The following MIPEP variants were observed in gnomAD, a reference collection of about 807,000 sequenced individuals.
MIPEP encodes mitochondrial intermediate peptidase.
In MIPEP, 79 loss-of-function variants were observed where a neutral mutation model predicts 90.3. The ratio of observed to expected loss-of-function variants is 0.87; its 90% CI spans 0.73 to 1.05. The LOEUF (loss-of-function observed/expected upper bound fraction) is 1.05. Among genes scored for constraint, MIPEP ranks in the 50% least tolerant of loss-of-function variants. The pLI, the probability that MIPEP is intolerant of heterozygous loss-of-function variation, is 0.00. For missense variants in MIPEP, 940 were observed against 905.6 expected, an observed-to-expected ratio of 1.04 and a Z score of -0.49; for synonymous variants, 334 against 315.8, an observed-to-expected ratio of 1.06 and a Z score of -0.61.
rs550130814 is a variant in MIPEP, at chr13:23,889,112, G to A, written c.189+20C>T. Reference sequence around the variant, plus strand: ...CGGCTTAGCTCGGGGACTGAGGGGAGCTCCTCCTGCGCCGCTCACCCGGCG... The same window carrying A: ...CGGCTTAGCTCGGGGACTGAGGGGAACTCCTCCTGCGCCGCTCACCCGGCG... On this transcript the variant is annotated intron_variant, in intron 1 of 18. Transcript: ENST00000382172. 5.7e-6 allele frequency: 8 copies of A among 1,394,568 alleles called. No homozygotes were observed. In the Admixed American group the frequency reaches 2.8e-4, roughly 49 times the overall value. The allele number at this position is 1,394,568 out of a possible 1,614,324, so 86.4% of individuals were successfully genotyped here. A position where few individuals can be genotyped will look rare whatever the true frequency, so the allele number is the denominator to read the frequency against.
intron 14 of MIPEP, among the ~76,000 whole-genome samples, chr13:23,821,830 A>G (rs900978066): frequency 1.3e-5 from 2 of 152,212 alleles, no homozygotes; most frequent in Non-Finnish European, 2.9e-5. Context: ...AATAGTTGTT[A>G]CACTGTACTG....
At chr13:23,784,045 C>T (rs1004285641) in intron 16 of MIPEP, among the ~76,000 whole-genome samples, 1 of 151,998 alleles carries the variant, frequency 6.6e-6, no homozygotes, top group Non-Finnish European at 1.5e-5. Context: ...TTTATAGATT[C>T]CCCATCTATA....
intron 16 of MIPEP, among the ~76,000 whole-genome samples, chr13:23,794,440 C>T (rs547916121): frequency 6.6e-6 from 1 of 152,248 alleles, no homozygotes; most frequent in South Asian, 2.1e-4. Flanking sequence ...GGTAAAGAGG[C>T]ATCACAATGG....
chr13:23,775,109 C>CTCTGTGTGTGTGTG (rs1375320068), intron 16 of MIPEP, among the ~76,000 whole-genome samples: 14 of 149,202 alleles, frequency 9.4e-5, no homozygotes, highest in African/African-American at 2.7e-4. Context: ...TATCAGTTCT[C>CTCTGTGTGTGTGTG]TGTGTGTGTG....
At chr13:23,832,975 C>T (rs150425438) in intron 14 of MIPEP, among the ~76,000 whole-genome samples, 3 of 152,142 alleles carry the variant, frequency 2.0e-5, no homozygotes, top group Non-Finnish European at 2.9e-5. Flanking sequence ...ACAAGGAATT[C>T]TTTGACTATG....
chr13:23,812,662 C>T (rs982689156), intron 14 of MIPEP, among the ~76,000 whole-genome samples: 2 of 152,058 alleles, frequency 1.3e-5, no homozygotes, highest in African/African-American at 2.4e-5. Context: ...GCAAACCAGA[C>T]ACTGCCTCTA....
chr13:23,812,616 C>A (rs1332453453), intron 14 of MIPEP, among the ~76,000 whole-genome samples: 1 of 152,118 alleles, frequency 6.6e-6, no homozygotes, highest in Non-Finnish European at 1.5e-5. Context: ...CTCTCCCCGT[C>A]CCTCGCTCAC....
In MIPEP at chr13:23,874,818, G is replaced by GAA. The variant is rs1870989767; in HGVS notation, c.603+27_603+28insTT. 7.1e-6 allele frequency: 11 copies of GAA among 1,552,006 alleles called. No individual in the cohort carries two copies. The East Asian group carries it at 2.5e-4, about 36-fold the overall frequency. On this transcript the variant is annotated intron_variant, in intron 5 of 18. Transcript: ENST00000382172. ...CAACTAAATGTTAGTAAAACTGGAA[G>GAA]AGTCAAAAAAACAGCAGAAAGATGT...
At position 23,802,401 on chromosome 13, in the gene MIPEP, C is replaced by T. The variant is rs535715190; in HGVS notation, c.1848+3549G>A. ...ACCAGCCTGGCCAACATGGTGAAAC[C>T]CTGTCTCCACTAAAAAATTAGGCAG... On this transcript the variant is annotated intron_variant, in intron 16 of 18. Transcript: ENST00000382172. 2.4e-3 allele frequency among the ~76,000 whole-genome samples: 364 copies of T among 152,124 alleles called. 5 individuals are homozygous for T. The highest frequency in any genetic ancestry group is 8.4e-3 in the African/African-American group (347 of 41,510).
chr13:23,880,482 G>A (rs1299704003), intron 3 of MIPEP, among the ~76,000 whole-genome samples: 1 of 152,262 alleles, frequency 6.6e-6, no homozygotes, highest in Non-Finnish European at 1.5e-5. Context: ...CCATACTTCA[G>A]TCTGTATTTG....
intron 16 of MIPEP, among the ~76,000 whole-genome samples, chr13:23,797,245 C>G (rs1216638396): frequency 1.3e-5 from 2 of 152,142 alleles, no homozygotes; most frequent in African/African-American, 4.8e-5. Flanking sequence ...CCTGCTGCCC[C>G]TTCCCACAGT....
chr13:23,860,893 A>G (rs1870272972), intron 9 of MIPEP, among the ~76,000 whole-genome samples: 1 of 152,134 alleles, frequency 6.6e-6, no homozygotes, highest in Admixed American at 6.5e-5. Context: ...AGAAGACACA[A>G]GAGTTCACAG....
chr13:23,858,336 T>TC (rs1844723508), intron 10 of MIPEP, among the ~76,000 whole-genome samples: 1 of 151,890 alleles, frequency 6.6e-6, no homozygotes, highest in Non-Finnish European at 1.5e-5. Context: ...CAACTTAAGT[T>TC]CCTTAAATCT....
intron 16 of MIPEP, among the ~76,000 whole-genome samples, chr13:23,788,291 G>A (rs1952868427): frequency 6.6e-6 from 1 of 152,066 alleles, no homozygotes; most frequent in Non-Finnish European, 1.5e-5. Context: ...TATTTCATAT[G>A]GGCCATATTA....
intron 9 of MIPEP, among the ~76,000 whole-genome samples, chr13:23,860,324 T>C (rs945689687): frequency 6.6e-6 from 1 of 152,234 alleles, no homozygotes; most frequent in African/African-American, 2.4e-5. Flanking sequence ...TGTAAATGAC[T>C]GGAAGCTGCT....
At chr13:23,857,670 G>C (rs74657221) in intron 10 of MIPEP, among the ~76,000 whole-genome samples, 7,202 of 152,258 alleles carry the variant, frequency 0.047, 233 homozygotes, top group Middle Eastern at 0.071. Flanking sequence ...AAGTAAAAAT[G>C]GTTTTGGCAA....
chr13:23,739,755 C>T (rs1952305557), intron 18 of MIPEP, among the ~76,000 whole-genome samples: 1 of 152,096 alleles, frequency 6.6e-6, no homozygotes, highest in Non-Finnish European at 1.5e-5. Flanking sequence ...AGAAACATGA[C>T]TACTCCTGAC....
intron 10 of MIPEP, among the ~76,000 whole-genome samples, chr13:23,858,156 C>T (rs1452851854): frequency 6.6e-6 from 1 of 151,988 alleles, no homozygotes; most frequent in Non-Finnish European, 1.5e-5. Context: ...TATAAAGTTG[C>T]TTCAGCTATA....
chr13:23,783,219 T>C (rs4474552), intron 16 of MIPEP, among the ~76,000 whole-genome samples: 106,579 of 152,042 alleles, frequency 0.7, 39,865 homozygotes, highest in Non-Finnish European at 0.83. Context: ...ACTGGCAAAC[T>C]GAATCCAGCA....
Sources: gnomAD v4.1 joint callset for allele counts (sites outside exome capture counted in the v4.1 genomes callset) on GRCh38, gnomAD v4.1.1 for gene constraint, MANE v1.5 for transcripts, NCBI Gene and HGNC (gene_info 2026-07-23, HGNC 2026-07-21) for gene names.